Variants in ORC5 observed in about 807,000 individuals in gnomAD.
ORC5 encodes the protein protein phosphatase 1, regulatory subunit 117.
ORC5 carries 39 observed loss-of-function variants against 58.8 expected under a neutral mutation model. The observed-to-expected ratio is 0.66, with a 90% CI of 0.51 to 0.87. The LOEUF (loss-of-function observed/expected upper bound fraction) is 0.87. Ranked by LOEUF, ORC5 falls within the 40% of genes least tolerant of loss-of-function variation. The pLI is 0.00. For missense variants in ORC5, 493 were observed against 506.3 expected, an observed-to-expected ratio of 0.97 and a Z score of 0.25; for synonymous variants, 218 against 177.6, an observed-to-expected ratio of 1.23 and a Z score of -1.81.
intron 6 of ORC5, 162 bp downstream of exon 6, chr7:104,188,089 C>T (rs1188149856): frequency 4.3e-6 from 4 of 928,028 alleles, no homozygotes; most frequent in Non-Finnish European, 5.8e-6. Flanking sequence ...GTATGTTAGT[C>T]TCTAGAGGCC....
At position 104,168,478 on chromosome 7, in the gene ORC5, A is replaced by C. The variant is rs1308828841; in HGVS notation, c.872T>G (p.Leu291Arg). ...LQKDDTDPGQ[L>R]KGLSAHTHVE... is the part of the protein sequence containing the mutation. ...CTCAATACTTCCTCTGATACCTTTC[A>C]GTTGCCCCGGATCTGTGTCATCTTT... The change falls in exon 9 of 14, where the codon CTG (leucine) becomes CGG (arginine). Residue 291 changes from leucine to arginine, a missense_variant. By Grantham distance (102) the Leu-to-Arg change is moderately radical. Transcript: ENST00000297431. The C allele has an allele frequency of 1.9e-6, 3 of 1,606,338 alleles. No homozygotes were observed. The African/African-American group carries it at 4.0e-5, about 21-fold the overall frequency.
intron 10 of ORC5, among the ~76,000 whole-genome samples, chr7:104,166,571 C>T (rs940201074): frequency 6.6e-6 from 1 of 152,134 alleles, no homozygotes; most frequent in African/African-American, 2.4e-5. Context: ...TACCTGATAT[C>T]CTCTTTTCTA....
At chr7:104,185,895 A>G (rs992684632) in intron 6 of ORC5, among the ~76,000 whole-genome samples, 2 of 152,094 alleles carry the variant, frequency 1.3e-5, no homozygotes, top group South Asian at 4.1e-4. Context: ...TATATAACAT[A>G]TAACTAGATA....
intron 2 of ORC5, chr7:104,202,514 G>A: frequency 6.6e-6 from 3 of 456,426 alleles, no homozygotes; most frequent in South Asian, 4.7e-5. Flanking sequence ...GACTTTTAAA[G>A]GCAGCATATT....
At chr7:104,159,383 C>T (rs11984334) in intron 12 of ORC5, among the ~76,000 whole-genome samples, 6,856 of 143,000 alleles carry the variant, frequency 0.048, 545 homozygotes, top group African/African-American at 0.17. Context: ...TGCTAAATGA[C>T]GAGTTAATGG....
intron 6 of ORC5, among the ~76,000 whole-genome samples, chr7:104,186,170 C>T (rs549801134): frequency 2.6e-5 from 4 of 151,216 alleles, no homozygotes; most frequent in Admixed American, 1.3e-4. Context: ...GACCCTTGAA[C>T]GACATAGGTT....
chr7:104,182,296 T>C (rs746354214), intron 8 of ORC5, among the ~76,000 whole-genome samples: 1 of 152,154 alleles, frequency 6.6e-6, no homozygotes, highest in African/African-American at 2.4e-5. Flanking sequence ...GACAGTTTCA[T>C]GATAGAAACA....
intron 12 of ORC5, among the ~76,000 whole-genome samples, chr7:104,141,145 G>C (rs1481311223): frequency 6.6e-6 from 1 of 152,194 alleles, no homozygotes; most frequent in African/African-American, 2.4e-5. Flanking sequence ...TGAAAAGAGT[G>C]TGTGCTAAAA....
intron 13 of ORC5, among the ~76,000 whole-genome samples, chr7:104,130,639 C>T (rs1798498863): frequency 6.6e-6 from 1 of 152,186 alleles, no homozygotes; most frequent in South Asian, 2.1e-4. Context: ...AGTGACTTCA[C>T]TATATATTTC....
chr7:104,201,639 A>G (rs569170273), intron 2 of ORC5, among the ~76,000 whole-genome samples: 64 of 151,730 alleles, frequency 4.2e-4, no homozygotes, highest in African/African-American at 1.4e-3. Flanking sequence ...AAAAAAAAAA[A>G]AAAAGAAAAG....
At chr7:104,134,752 A>C (rs1347956375) in intron 13 of ORC5, among the ~76,000 whole-genome samples, 1 of 152,200 alleles carries the variant, frequency 6.6e-6, no homozygotes, top group Non-Finnish European at 1.5e-5. Context: ...TAGCTAAGGC[A>C]ATGAGGAAGA....
At chr7:104,162,176 T>C (rs571901924) in intron 11 of ORC5, among the ~76,000 whole-genome samples, 1 of 152,262 alleles carries the variant, frequency 6.6e-6, no homozygotes, top group Non-Finnish European at 1.5e-5. Context: ...CCAATAAATA[T>C]TTATTTCTTT....
At chr7:104,166,999 T>C (rs17159713) in intron 9 of ORC5, 115 bp from the exon 10 acceptor site, 9,554 of 607,852 alleles carry the variant, frequency 0.016, 696 homozygotes, top group African/African-American at 0.16. Context: ...AATGACCTAT[T>C]TCCTTATTTT....
In ORC5 at chr7:104,203,753, T is replaced by C. The variant is rs370935890; in HGVS notation, c.165+389A>G. 2.7e-4 allele frequency among the ~76,000 whole-genome samples: 41 copies of C among 152,320 alleles called. 1 individual carries two copies. Among genetic ancestry groups the C allele is most frequent in the African/African-American group, 9.9e-4 (41 of 41,572 alleles). On this transcript the variant is annotated intron_variant, in intron 2 of 13. Coordinates refer to ENST00000297431, the MANE Select transcript of ORC5 (RefSeq NM_002553.4). ...TTACTTGAACACTGTCCTGAAAATA[T>C]TAAGATTTGCATGGCCTAGCTGCTG...
intron 2 of ORC5, 70 bp from the exon 3 acceptor site, chr7:104,201,028 T>G: frequency 1.5e-6 from 2 of 1,320,670 alleles, no homozygotes; most frequent in South Asian, 1.3e-5. Flanking sequence ...CTGTGCTGGA[T>G]AGTCTCCATT....
intron 6 of ORC5, among the ~76,000 whole-genome samples, chr7:104,185,793 A>T (rs1359721266): frequency 4.0e-5 from 6 of 151,616 alleles, no homozygotes; most frequent in South Asian, 2.1e-4. Flanking sequence ...CCATTTATTT[A>T]AAAAAAATAT....
intron 8 of ORC5, among the ~76,000 whole-genome samples, chr7:104,169,933 T>A (rs1799181068): frequency 6.6e-6 from 1 of 152,220 alleles, no homozygotes; most frequent in Non-Finnish European, 1.5e-5. Context: ...TCAATGTTCA[T>A]CATCAATCCT....
intron 12 of ORC5, among the ~76,000 whole-genome samples, chr7:104,148,556 T>C (rs76641487): frequency 2.2e-4 from 34 of 152,280 alleles, no homozygotes; most frequent in East Asian, 1.4e-3. Flanking sequence ...CACAGGGATA[T>C]AGAATAACCT....
chr7:104,155,748 T>A (rs898046366), intron 12 of ORC5, among the ~76,000 whole-genome samples: 2 of 151,526 alleles, frequency 1.3e-5, no homozygotes, highest in African/African-American at 4.8e-5. Context: ...TCTCTGATAA[T>A]CTTAAAGAAC....
Sources: allele counts gnomAD v4.1 joint callset (sites outside exome capture counted in the v4.1 genomes callset), GRCh38; gene constraint gnomAD v4.1.1; transcripts MANE v1.5; gene names NCBI Gene and HGNC (gene_info 2026-07-23, HGNC 2026-07-21).